Variants in RALB observed in about 807,000 individuals in gnomAD.
RALB encodes the protein RAS like proto-oncogene B.
RALB carries 16 observed loss-of-function variants against 21.3 expected under a neutral mutation model. The observed-to-expected ratio is 0.75, with a 90% CI of 0.51 to 1.14. RALB has a LOEUF of 1.14. RALB is among the 50% of genes most tolerant of loss of function. The probability of loss-of-function intolerance (pLI) is 0.00; values close to 1 mark genes in which losing one functional copy is unlikely to be tolerated. For synonymous variants in RALB, 93 were observed against 96.1 expected (o/e 0.97, Z 0.19); for missense variants, 161 against 256.2 (o/e 0.63, Z 2.54).
At chr2:120,276,701 C>A (rs1409662160) in intron 1 of RALB, among the ~76,000 whole-genome samples, 1 of 152,132 alleles carries the variant, frequency 6.6e-6, no homozygotes, top group Non-Finnish European at 1.5e-5. Context: ...ATCACTCTTA[C>A]AATTAGATGG....
intron 1 of RALB, among the ~76,000 whole-genome samples, chr2:120,244,669 G>C (rs188509653): frequency 6.6e-6 from 1 of 152,318 alleles, no homozygotes; most frequent in Admixed American, 6.5e-5. Flanking sequence ...TCCATGGACA[G>C]ATACTTGTTA....
chr2:120,253,674 G>A (rs1689120017), intron 1 of RALB: 8 of 985,514 alleles, frequency 8.1e-6, no homozygotes, highest in Non-Finnish European at 9.6e-6. Flanking sequence ...TGTGTGAGCA[G>A]TGTCCTCTCT....
rs117373024 is a variant in RALB, at chr2:120,281,198, T to C, written c.114+2420T>C. 2.3e-3 allele frequency among the ~76,000 whole-genome samples: 348 copies of C among 152,278 alleles called. 1 individual carries two copies. In the East Asian group the frequency reaches 0.028, roughly 12 times the overall value. ...TCCCTAATTGTTGGTAGAATTTAGT[T>C]CCTTGTGGGTGTAGGACACAGGTGC... On this transcript the variant is annotated intron_variant, in intron 2 of 4. Transcript: ENST00000272519.
At chr2:120,275,397 T>C (rs1689766391) in intron 1 of RALB, among the ~76,000 whole-genome samples, 1 of 152,240 alleles carries the variant, frequency 6.6e-6, no homozygotes, top group Non-Finnish European at 1.5e-5. Context: ...GATCCTTACT[T>C]TCTTTTGAGC....
chr2:120,288,345 T>TTTG (rs1321749238), intron 3 of RALB, among the ~76,000 whole-genome samples: 3 of 139,948 alleles, frequency 2.1e-5, no homozygotes, highest in African/African-American at 8.1e-5. Flanking sequence ...AATTTTAGTT[T>TTTG]TTTTTTTTGT....
chr2:120,261,308 A>ATGG (rs1341118491), intron 1 of RALB, among the ~76,000 whole-genome samples: 1 of 152,126 alleles, frequency 6.6e-6, no homozygotes, highest in Non-Finnish European at 1.5e-5. Flanking sequence ...GTTCTTGGGC[A>ATGG]TGGTGGTGGT....
intron 4 of RALB, among the ~76,000 whole-genome samples, chr2:120,291,644 CA>C (rs1296318309): frequency 6.6e-6 from 1 of 152,206 alleles, no homozygotes; most frequent in Non-Finnish European, 1.5e-5. Context: ...AGCCCATGAA[CA>C]ACTTTGTCAT....
At chr2:120,262,727 C>A (rs138216384) in intron 1 of RALB, among the ~76,000 whole-genome samples, 1 of 152,120 alleles carries the variant, frequency 6.6e-6, no homozygotes, top group Non-Finnish European at 1.5e-5. Flanking sequence ...AGAGCCGTTT[C>A]GGGAGTTGCT....
chr2:120,259,121 A>G (rs1247769814), intron 1 of RALB, among the ~76,000 whole-genome samples: 1 of 152,184 alleles, frequency 6.6e-6, no homozygotes, highest in Non-Finnish European at 1.5e-5. Context: ...GTTACAGCTC[A>G]TAAAAGCAGC....
intron 1 of RALB, among the ~76,000 whole-genome samples, chr2:120,263,181 T>C (rs1689413307): frequency 6.6e-6 from 1 of 152,272 alleles, no homozygotes; most frequent in Admixed American, 6.5e-5. Context: ...TATTTATTTA[T>C]TTATTTTGAG....
chr2:120,259,320 G>C (rs1321196952), intron 1 of RALB, among the ~76,000 whole-genome samples: 2 of 152,324 alleles, frequency 1.3e-5, no homozygotes, highest in Non-Finnish European at 2.9e-5. Context: ...TCAGGGCGCT[G>C]ATTGGTGCGT....
chr2:120,243,244 A>C (rs1688921365), intron 1 of RALB, among the ~76,000 whole-genome samples: 2 of 152,228 alleles, frequency 1.3e-5, no homozygotes, highest in African/African-American at 4.8e-5. Flanking sequence ...AGGGCCATGT[A>C]ATTGGTCGTG....
Position 120,292,907 on chromosome 2 carries a change from A to AT in RALB, c.502-228dup, listed in dbSNP as rs1288668564. On this transcript the variant is annotated intron_variant, in intron 4 of 4. Transcript: ENST00000272519. ...GAGATGTTTGCTTTGTATAATTAGA[A>AT]TTTTTTAAGGTTAATTTTTCTTATT... Among the ~76,000 whole-genome samples, 3 of 152,246 alleles carry AT rather than the reference A, an allele frequency of 2.0e-5. No homozygotes were observed. The East Asian group carries it at 5.8e-4, about 29-fold the overall frequency.
intron 1 of RALB, among the ~76,000 whole-genome samples, chr2:120,260,322 A>G (rs1197296462): frequency 6.6e-6 from 1 of 152,354 alleles, no homozygotes. Context: ...TCTCACTAGT[A>G]GTGACTTCAG....
intron 2 of RALB, among the ~76,000 whole-genome samples, chr2:120,284,482 GCC>G (rs1690075840): frequency 6.6e-6 from 1 of 151,822 alleles, no homozygotes; most frequent in Non-Finnish European, 1.5e-5. Flanking sequence ...CACTGCAAGC[GCC>G]ACTTCCCAGG....
chr2:120,272,467 G>A (rs1014460781), intron 1 of RALB, among the ~76,000 whole-genome samples: 1 of 152,224 alleles, frequency 6.6e-6, no homozygotes, highest in Non-Finnish European at 1.5e-5. Flanking sequence ...GACGACAGAT[G>A]AATGGATTTG....
intron 1 of RALB, among the ~76,000 whole-genome samples, chr2:120,273,676 G>A (rs1689722425): frequency 6.6e-6 from 1 of 152,238 alleles, no homozygotes; most frequent in Non-Finnish European, 1.5e-5. Context: ...CCAGGAATAA[G>A]AGAAGACGCC....
chr2:120,274,788 AATG>A (rs1432954650), intron 1 of RALB, among the ~76,000 whole-genome samples: 6 of 152,160 alleles, frequency 3.9e-5, no homozygotes, highest in African/African-American at 1.4e-4. Context: ...CAGGTCTTTC[AATG>A]ATGTCATTTT....
chr2:120,252,302 T>C (rs147487517), upstream of RALB, among the ~76,000 whole-genome samples: 39 of 152,320 alleles, frequency 2.6e-4, no homozygotes, highest in African/African-American at 8.9e-4. Flanking sequence ...GTCTCCGCCA[T>C]GCACTCACTA....
Sources: gnomAD v4.1 joint callset for allele counts (sites outside exome capture counted in the v4.1 genomes callset) on GRCh38, gnomAD v4.1.1 for gene constraint, MANE v1.5 for transcripts, NCBI Gene and HGNC (gene_info 2026-07-23, HGNC 2026-07-21) for gene names.